Variants in APP observed in about 807,000 individuals in gnomAD.
The protein encoded by APP is amyloid-beta precursor protein.
In APP, 31 loss-of-function variants were observed where a neutral mutation model predicts 101.4. That is an observed-to-expected ratio of 0.31 (90% confidence interval 0.23 to 0.41). APP has a LOEUF of 0.41. APP is among the 10% of genes least tolerant of loss of function. The pLI, the probability that APP is intolerant of heterozygous loss-of-function variation, is 1.00. For missense variants in APP, 839 were observed against 1,003.7 expected (o/e 0.84, Z 2.22); for synonymous variants, 366 against 364.4 (o/e 1.00, Z -0.05).
At chr21:26,094,718 G>A (rs1205099735) in intron 2 of APP, among the ~76,000 whole-genome samples, 1 of 151,244 alleles carries the variant, frequency 6.6e-6, no homozygotes, top group Non-Finnish European at 1.5e-5. Flanking sequence ...GCTAGATTAA[G>A]TTCCTGATTT....
At chr21:26,095,091 G>T (rs900897376) in intron 2 of APP, among the ~76,000 whole-genome samples, 1 of 152,124 alleles carries the variant, frequency 6.6e-6, no homozygotes, top group South Asian at 2.1e-4. Flanking sequence ...TGATCCACCC[G>T]CCTTGGCCTC....
chr21:26,125,123 G>T lies in APP; in HGVS notation c.58-12977C>A, dbSNP rs987350304. Among the ~76,000 whole-genome samples the T allele has an allele frequency of 4.6e-5, 7 of 152,174 alleles. No homozygotes were observed. In the East Asian group the frequency reaches 1.4e-3, roughly 29 times the overall value. ...CCCAGGCTGAGTATGGGTCGGACAG[G>T]AAGCATGAAAGGTAGCACAAGGCTA... On this transcript the variant is annotated intron_variant, in intron 1 of 17. Coordinates refer to ENST00000346798, the MANE Select transcript of APP (RefSeq NM_000484.4).
intron 1 of APP, among the ~76,000 whole-genome samples, chr21:26,167,027 C>T (rs1404477954): frequency 6.6e-6 from 1 of 152,034 alleles, no homozygotes; most frequent in African/African-American, 2.4e-5. Flanking sequence ...ACCTCCAATC[C>T]CCAGACCTGG....
intron 5 of APP, among the ~76,000 whole-genome samples, chr21:26,031,555 C>CGGCAAGAGAAAAATGAGGAAAA (rs998977959): frequency 2.0e-5 from 3 of 151,716 alleles, no homozygotes; most frequent in Non-Finnish European, 2.9e-5. Flanking sequence ...TACATGGTGG[C>CGGCAAGAGAAAAATGAGGAAAA]GGCAAGAGAA....
intron 6 of APP, among the ~76,000 whole-genome samples, chr21:26,015,422 A>C (rs928762): frequency 0.19 from 29,568 of 152,146 alleles, 3,119 homozygotes; most frequent in South Asian, 0.3. Context: ...AAAAGAAGCA[A>C]TGAGGATTCA....
rs1258356591 is a variant in APP, at chr21:25,929,214, T to C, written c.1688-17252A>G. ...TGAAATTCTCTCTTCAAATCTGACT[T>C]GAAGAGTCTAACCTCTGCAGCATAT... On this transcript the variant is annotated intron_variant, in intron 13 of 17. Transcript: ENST00000346798. 2.6e-5 allele frequency among the ~76,000 whole-genome samples: 4 copies of C among 152,294 alleles called. No individual in the cohort carries two copies. The East Asian group carries it at 7.7e-4, about 29-fold the overall frequency.
chr21:26,061,464 T>C (rs970688249), intron 3 of APP, among the ~76,000 whole-genome samples: 1 of 152,260 alleles, frequency 6.6e-6, no homozygotes, highest in African/African-American at 2.4e-5. Context: ...TGCTATCTTT[T>C]GTAACTTTCA....
At chr21:25,999,764 TGCAAGACATATGTGCTACA>T (rs1327229703) in intron 7 of APP, among the ~76,000 whole-genome samples, 2 of 152,230 alleles carry the variant, frequency 1.3e-5, no homozygotes, top group Non-Finnish European at 2.9e-5. Flanking sequence ...CCCTCTGGAT[TGCAAGACATATGTGCTACA>T]GCTAGGAAGA....
At position 26,000,172 on chromosome 21, in the gene APP, A is replaced by G. The variant is rs752479913; in HGVS notation, c.876T>C (p.Ser292=). ...SVEEVVREVC[S]EQAETGPCRA... ...GGCACGGCCCCGTCTCGGCTTGTTCAGAGCACACCTCTAATCAGAGGAGAT... is the reference window on the plus strand; with the variant it reads ...GGCACGGCCCCGTCTCGGCTTGTTCGGAGCACACCTCTAATCAGAGGAGAT... The change falls in exon 7 of 18, where the codon TCT becomes TCC. Residue 292 remains serine, a synonymous_variant. Coordinates refer to ENST00000346798, the MANE Select transcript of APP (RefSeq NM_000484.4). 1.9e-6 allele frequency: 3 copies of G among 1,614,210 alleles called. No individual in the cohort carries two copies. The highest frequency in any genetic ancestry group is 2.5e-6 in the Non-Finnish European group (3 of 1,180,012).
chr21:25,918,033 C>T (rs2039438991), intron 13 of APP, among the ~76,000 whole-genome samples: 1 of 152,062 alleles, frequency 6.6e-6, no homozygotes, highest in South Asian at 2.1e-4. Flanking sequence ...CTGGCAACAA[C>T]AGATGCTGGC....
chr21:25,952,187 T>TACACACACACACACAC (rs1324301529), intron 13 of APP, among the ~76,000 whole-genome samples: 11 of 111,092 alleles, frequency 9.9e-5, no homozygotes, highest in African/African-American at 2.6e-4. Flanking sequence ...GCATATTACA[T>TACACACACACACACAC]ACATACACAC....
intron 13 of APP, among the ~76,000 whole-genome samples, chr21:25,949,747 G>A (rs2040982143): frequency 6.6e-6 from 1 of 152,196 alleles, no homozygotes; most frequent in Non-Finnish European, 1.5e-5. Flanking sequence ...CCAAGTTAGA[G>A]TATGGTATTG....
intron 8 of APP, among the ~76,000 whole-genome samples, chr21:25,983,344 C>A (rs991795372): frequency 1.3e-5 from 2 of 152,106 alleles, no homozygotes; most frequent in Non-Finnish European, 2.9e-5. Context: ...CAAAATGAGA[C>A]GTTTTCACTA....
chr21:26,021,890 A>G lies in APP; in HGVS notation c.815T>C (p.Ile272Thr). Residue 272 changes from isoleucine (I) to threonine (T), a missense_variant, in exon 6 of 18, where the codon ATT becomes ACT. Coordinates refer to ENST00000346798, the MANE Select transcript of APP (RefSeq NM_000484.4). ...YEEATERTTS[I>T]ATTTTTTTES... ...TGTGGTGGTGGTGGTGGTGGTGGCA[A>G]TGCTGGTGGTTCTCTCTGTGGCTTC... 1 of 1,613,286 alleles carries G rather than the reference A, an allele frequency of 6.2e-7. No homozygotes were observed. Among genetic ancestry groups the G allele is most frequent in the Non-Finnish European group, 8.5e-7 (1 of 1,179,722 alleles).
At chr21:26,166,658 T>A (rs940872381) in intron 1 of APP, among the ~76,000 whole-genome samples, 1 of 150,734 alleles carries the variant, frequency 6.6e-6, no homozygotes, top group African/African-American at 2.4e-5. Flanking sequence ...CAGAGAGAGG[T>A]TGAAAACCAC....
chr21:25,910,158 G>A (rs1469550821), intron 14 of APP, among the ~76,000 whole-genome samples: 2 of 151,154 alleles, frequency 1.3e-5, no homozygotes, highest in Non-Finnish European at 2.9e-5. Flanking sequence ...TTAAAGTCTC[G>A]CTCTGTCACC....
rs1278568872 is a variant in APP at position 26,170,745 on chromosome 21, C to T, written c.-125G>A. On this transcript the variant is annotated 5_prime_UTR_variant, in exon 1 of 18. Coordinates refer to ENST00000346798, the MANE Select transcript of APP (RefSeq NM_000484.4). ...CCGCGCACGCTCCTCCGCGTGCTCT[C>T]GCCTACCGCTGCCGAGGAAACTGAC... 1.2e-5 allele frequency: 12 copies of T among 1,029,476 alleles called. No homozygotes were observed. Among genetic ancestry groups the T allele is most frequent in the Non-Finnish European group, 1.6e-5 (12 of 757,018 alleles). 63.8% of individuals were successfully genotyped at this position (1,029,476 alleles called of 1,614,324 possible).
At chr21:25,912,646 G>C (rs372569587) in intron 13 of APP, among the ~76,000 whole-genome samples, 29 of 152,056 alleles carry the variant, frequency 1.9e-4, no homozygotes, top group African/African-American at 6.8e-4. Context: ...CTGGCTCCCC[G>C]TATTTCCCAA....
chr21:25,929,110 G>A (rs953594600), intron 13 of APP: 5 of 152,228 alleles, frequency 3.3e-5, no homozygotes, highest in African/African-American at 7.2e-5. Flanking sequence ...ACATGCTGGA[G>A]GAAAAACTGG....
Sources: gnomAD v4.1 joint callset for allele counts (sites outside exome capture counted in the v4.1 genomes callset) on GRCh38, gnomAD v4.1.1 for gene constraint, MANE v1.5 for transcripts, NCBI Gene and HGNC (gene_info 2026-07-23, HGNC 2026-07-21) for gene names.